DNM1: variants seen among roughly 807,000 people sequenced by gnomAD.
The protein encoded by DNM1 is dynamin-1.
In DNM1, 29 loss-of-function variants were observed where a neutral mutation model predicts 104.6. That is an observed-to-expected ratio of 0.28 (90% CI 0.21 to 0.38). DNM1 has a LOEUF of 0.38. Among genes scored for constraint, DNM1 ranks in the 10% least tolerant of loss-of-function variants. The probability of loss-of-function intolerance (pLI) is 1.00; values close to 1 mark genes in which losing one functional copy is unlikely to be tolerated. For missense variants in DNM1, 640 were observed against 1,189.4 expected (o/e 0.54, Z 6.79); for synonymous variants, 445 against 475.8 (o/e 0.94, Z 0.84).
At chr9:128,251,635 A>AC (rs200872111) in intron 21 of DNM1, 9,969 of 94,860 alleles carry the variant, frequency 0.11, 477 homozygotes, top group Middle Eastern at 0.24. Context: ...CCCCCCAACC[A>AC]CCCCCTCCGC....
intron 9 of DNM1, chr9:128,223,248 C>G: frequency 4.7e-6 from 1 of 212,150 alleles, no homozygotes; most frequent in South Asian, 7.8e-5. Flanking sequence ...TTATGACGGC[C>G]GGGGACTTTG....
At chr9:128,205,054 G>A (rs1276600570) in intron 1 of DNM1, among the ~76,000 whole-genome samples, 1 of 152,136 alleles carries the variant, frequency 6.6e-6, no homozygotes, top group Non-Finnish European at 1.5e-5. Flanking sequence ...AGGCCACCGT[G>A]GGGGCGGCCG....
In DNM1 at chr9:128,254,559, GCGC is replaced by G. The variant is rs1829732918; in HGVS notation, c.2535-94_2535-92del. On this transcript the variant is annotated intron_variant, in intron 21 of 21. Coordinates refer to ENST00000372923, the MANE Select transcript of DNM1 (RefSeq NM_004408.4). The surrounding 1 kb of genome is among the most constrained non-coding windows in gnomAD (Gnocchi z 6.1). The stretch of plus-strand genomic sequence containing the variant: ...CCCCGGCCCTCCCACCACTGCTGCG[GCGC>G]GGCCGGCCCCGGCCGTGTGCTGCGC... 9 of 1,582,904 alleles carry G rather than the reference GCGC, an allele frequency of 5.7e-6. No homozygotes were observed. The African/African-American group carries it at 1.1e-4, about 19-fold the overall frequency.
intron 20 of DNM1, 85 bp from the exon 21 acceptor site, chr9:128,250,640 C>T: frequency 1.6e-6 from 2 of 1,218,474 alleles, no homozygotes; most frequent in Non-Finnish European, 2.2e-6. Context: ...ATGGGCGTGG[C>T]CAGCACTGGG....
intron 1 of DNM1, among the ~76,000 whole-genome samples, chr9:128,208,714 G>A (rs576489285): frequency 7.1e-4 from 107 of 150,978 alleles, no homozygotes; most frequent in African/African-American, 2.5e-3. Flanking sequence ...GCTGATCGGG[G>A]CAGACAGACA....
chr9:128,221,866 C>T (rs1835042947), intron 6 of DNM1, among the ~76,000 whole-genome samples: 2 of 152,108 alleles, frequency 1.3e-5, no homozygotes, highest in South Asian at 4.1e-4. Flanking sequence ...CGCCATTGCA[C>T]TCCAGCCTGG....
At position 128,253,974 on chromosome 9, in the gene DNM1, G is replaced by A; in HGVS notation, c.2535-680G>A. The A allele has an allele frequency of 8.1e-7, 1 of 1,233,574 alleles. No individual in the cohort carries two copies. Among genetic ancestry groups the A allele is most frequent in the Non-Finnish European group, 1.0e-6 (1 of 989,132 alleles). The allele number at this position is 1,233,574 out of a possible 1,614,324, so 76.4% of individuals were successfully genotyped here. A position where few individuals can be genotyped will look rare whatever the true frequency, so the allele number is the denominator to read the frequency against. ...CAGTGAGCCCACCCCCCATTCTCCT[G>A]CCACTGACTCTCGCTCTTCTGCTTT... is the stretch of plus-strand genomic sequence containing the variant. On this transcript the variant is annotated intron_variant, in intron 21 of 21. Coordinates refer to ENST00000372923, the MANE Select transcript of DNM1 (RefSeq NM_004408.4). The surrounding 1 kb of genome is among the most constrained non-coding windows in gnomAD (Gnocchi z 5.9).
At chr9:128,217,406 G>A (rs1017639606) in intron 1 of DNM1, among the ~76,000 whole-genome samples, 1 of 152,104 alleles carries the variant, frequency 6.6e-6, no homozygotes, top group South Asian at 2.1e-4. Context: ...AGAAGCATGA[G>A]TTTTTTTGTT....
Position 128,222,406 on chromosome 9 carries a change from G to A in DNM1, c.993-55G>A. ...GCCTCTCAGCGTGGGGCTCTCCCAG[G>A]GTTCCCTTTGCTGGGCTGCTCCTGC... is the stretch of plus-strand genomic sequence containing the variant. On this transcript the variant is annotated intron_variant, in intron 7 of 21. Transcript: ENST00000372923. The surrounding 1 kb of genome is among the most constrained non-coding windows in gnomAD (Gnocchi z 7.8). The A allele has an allele frequency of 1.2e-6, 2 of 1,610,308 alleles. No homozygotes were observed. The highest frequency in any genetic ancestry group is 8.5e-7 in the Non-Finnish European group (1 of 1,177,142).
chr9:128,224,875 T>C lies in DNM1; in HGVS notation c.1335+486T>C, dbSNP rs1835250927. 6.6e-6 allele frequency among the ~76,000 whole-genome samples: 1 copy of C among 152,074 alleles called. No individual in the cohort carries two copies. Among genetic ancestry groups the C allele is most frequent in the Admixed American group, 6.5e-5 (1 of 15,268 alleles). On this transcript the variant is annotated intron_variant, in intron 10 of 21. Coordinates refer to ENST00000372923, the MANE Select transcript of DNM1 (RefSeq NM_004408.4). The surrounding 1 kb of genome is among the most constrained non-coding windows in gnomAD (Gnocchi z 4.3). ...AGGTGCCCTGGCTCCCCGCTGTCCT[T>C]CATCCTCCCCATACTCATCTCACCC...
intron 4 of DNM1, among the ~76,000 whole-genome samples, chr9:128,219,652 G>T (rs1834824656): frequency 6.7e-6 from 1 of 148,506 alleles, no homozygotes; most frequent in Admixed American, 6.8e-5. Flanking sequence ...ATGGGCAAGA[G>T]TGAGACCCTG....
Position 128,222,619 on chromosome 9 carries a change from C to A in DNM1, c.1128+23C>A. On this transcript the variant is annotated intron_variant, in intron 8 of 21. Transcript: ENST00000372923. This position sits in a 1 kb window ranked among gnomAD's most constrained non-coding sequence, Gnocchi z 7.8. ...AAGGTAGGTCAGGCAGCCCTGGGGA[C>A]AGGATGGCTCAGGACTCCCCCCACC... 1 of 1,613,440 alleles carries A rather than the reference C, an allele frequency of 6.2e-7. No individual in the cohort carries two copies. The highest frequency in any genetic ancestry group is 8.5e-7 in the Non-Finnish European group (1 of 1,179,624).
At chr9:128,234,350 C>G (rs1419879858) in intron 11 of DNM1, among the ~76,000 whole-genome samples, 1 of 152,262 alleles carries the variant, frequency 6.6e-6, no homozygotes, top group African/African-American at 2.4e-5. Flanking sequence ...CGCTGTTGCA[C>G]AGCAACATCC....
chr9:128,218,738 AC>A lies in DNM1; in HGVS notation c.385+10del. The A allele has an allele frequency of 1.9e-6, 3 of 1,594,138 alleles. No individual in the cohort carries two copies. The highest frequency in any genetic ancestry group is 2.6e-6 in the Non-Finnish European group (3 of 1,166,462). On this transcript the variant is annotated splice_region_variant and intron_variant, in intron 3 of 21. Transcript: ENST00000372923. This position sits in a 1 kb window ranked among gnomAD's most constrained non-coding sequence, Gnocchi z 4.8. ...CGCGTCTACTCGCCGCACGGTGAGGACCCTGGCCCCGCCCTAACCTCTAAGA... is the reference window on the plus strand; with the variant it reads ...CGCGTCTACTCGCCGCACGGTGAGGACCTGGCCCCGCCCTAACCTCTAAGA...
chr9:128,210,007 A>G lies in DNM1; in HGVS notation c.161+6376A>G, dbSNP rs10987930. Among the ~76,000 whole-genome samples, 514 of 152,246 alleles carry G rather than the reference A, an allele frequency of 3.4e-3. 16 individuals are homozygous for G. In the East Asian group the frequency reaches 0.062, roughly 18 times the overall value. On this transcript the variant is annotated intron_variant, in intron 1 of 21. Transcript: ENST00000372923. ...CCTAAGGGCAGTACTGATGTCTTCT[A>G]TCATTCCAAGTTTTTGTTTTGTTTT...
chr9:128,227,009 CTTTTTTTTTTTTT>C (rs369464140), intron 10 of DNM1, among the ~76,000 whole-genome samples: 1 of 101,770 alleles, frequency 9.8e-6, no homozygotes, highest in East Asian at 3.3e-4. Context: ...ATCTCCATTC[CTTTTTTTTTTTTT>C]TTTTTTTTTT....
rs2131270164 is a variant in DNM1, at chr9:128,243,910, T to C, written c.1671+1565T>C. Among the ~76,000 whole-genome samples, 1 of 151,594 alleles carries C rather than the reference T, an allele frequency of 6.6e-6. No individual in the cohort carries two copies. The highest frequency in any genetic ancestry group is 2.4e-5 in the African/African-American group (1 of 41,146). On this transcript the variant is annotated intron_variant, in intron 15 of 21. Coordinates refer to ENST00000372923, the MANE Select transcript of DNM1 (RefSeq NM_004408.4). This position sits in a 1 kb window ranked among gnomAD's most constrained non-coding sequence, Gnocchi z 4.0. ...TATGTGGGGAGATGGGAGTCAGCTGTGGGCTGTGGGTGCTGGGAGGCGGGG... is the reference window on the plus strand; with the variant it reads ...TATGTGGGGAGATGGGAGTCAGCTGCGGGCTGTGGGTGCTGGGAGGCGGGG...
At chr9:128,244,498 G>A (rs1372030934) in intron 15 of DNM1, among the ~76,000 whole-genome samples, 6 of 151,912 alleles carry the variant, frequency 3.9e-5, no homozygotes, top group East Asian at 1.9e-4. Flanking sequence ...TGGGCAGACC[G>A]GCGGCTGCCC....
chr9:128,254,296 G>T lies in DNM1; in HGVS notation c.2535-358G>T, dbSNP rs1174439865. 19 of 1,384,648 alleles carry T rather than the reference G, an allele frequency of 1.4e-5. No homozygotes were observed. The highest frequency in any genetic ancestry group is 1.6e-5 in the Non-Finnish European group (17 of 1,079,506). The allele number at this position is 1,384,648 out of a possible 1,614,324, so 85.8% of individuals were successfully genotyped here. A position where few individuals can be genotyped will look rare whatever the true frequency, so the allele number is the denominator to read the frequency against. On this transcript the variant is annotated intron_variant, in intron 21 of 21. Transcript: ENST00000372923. This position sits in a 1 kb window ranked among gnomAD's most constrained non-coding sequence, Gnocchi z 6.1. ...AGGCAAGGGGTGGCCCCAGGCCAGT[G>T]GGTTGGAAGACAGGGTGACCAGAGA...
Sources: gnomAD v4.1 joint callset for allele counts (sites outside exome capture counted in the v4.1 genomes callset) on GRCh38, gnomAD v4.1.1 for gene constraint, Gnocchi (gnomAD v3.1) non-coding constraint, MANE v1.5 for transcripts, NCBI Gene and HGNC (gene_info 2026-07-23, HGNC 2026-07-21) for gene names.